GRID2: variants seen among roughly 807,000 people sequenced by gnomAD.
GRID2 encodes glutamate receptor ionotropic, delta-2.
A neutral mutation model predicts 114.8 loss-of-function variants in GRID2; 33 were observed. The ratio of observed to expected loss-of-function variants is 0.29; its 90% CI spans 0.22 to 0.38. The LOEUF (loss-of-function observed/expected upper bound fraction) is 0.38, where lower values mean the gene tolerates loss of function less well. Among genes scored for constraint, GRID2 ranks in the 10% least tolerant of loss-of-function variants. The pLI is 1.00. For missense variants in GRID2, 1,184 were observed against 1,257.7 expected (o/e 0.94, Z 0.89); for synonymous variants, 505 against 449.9 (o/e 1.12, Z -1.55).
intron 2 of GRID2, among the ~76,000 whole-genome samples, chr4:92,848,890 G>A (rs1188795470): frequency 1.3e-5 from 2 of 151,904 alleles, no homozygotes; most frequent in Admixed American, 6.6e-5. Context: ...AGGACACTGT[G>A]AGGGAGTGGA....
chr4:93,056,641 C>G (rs1727271475), intron 2 of GRID2, among the ~76,000 whole-genome samples: 1 of 151,848 alleles, frequency 6.6e-6, no homozygotes, highest in African/African-American at 2.4e-5. Context: ...TTATTTCTAA[C>G]TTATTGTTCA....
At chr4:93,655,145 C>A (rs545616002) in intron 14 of GRID2, among the ~76,000 whole-genome samples, 2 of 152,052 alleles carry the variant, frequency 1.3e-5, no homozygotes, top group Admixed American at 6.5e-5. Context: ...ATAGGGATGG[C>A]CCTTCCTTAG....
In GRID2 at chr4:93,747,019, T is replaced by A. The variant is rs553353381; in HGVS notation, c.2361-22191T>A. 1.1e-4 allele frequency among the ~76,000 whole-genome samples: 16 copies of A among 152,186 alleles called. No individual in the cohort carries two copies. In the East Asian group the frequency reaches 3.1e-3, roughly 29 times the overall value. Reference sequence around the variant, plus strand: ...GACAAGGGTGTATTCCAAAGCTACATCTAGCAAAATTTATGTTTTAGTGTT... The same window carrying A: ...GACAAGGGTGTATTCCAAAGCTACAACTAGCAAAATTTATGTTTTAGTGTT... On this transcript the variant is annotated intron_variant, in intron 14 of 15. Transcript: ENST00000282020.
chr4:92,422,152 C>A (rs11942545), intron 1 of GRID2, among the ~76,000 whole-genome samples: 3,569 of 152,084 alleles, frequency 0.023, 141 homozygotes, highest in African/African-American at 0.081. Flanking sequence ...TAATGTGAAT[C>A]TTTCAGCTAC....
chr4:93,684,143 G>A (rs191327270), intron 14 of GRID2, among the ~76,000 whole-genome samples: 3 of 152,064 alleles, frequency 2.0e-5, no homozygotes, highest in African/African-American at 7.2e-5. Context: ...AGTTATCTTT[G>A]GATAATAGCA....
chr4:93,109,820 T>G (rs755301747), intron 3 of GRID2, among the ~76,000 whole-genome samples: 13 of 152,160 alleles, frequency 8.5e-5, no homozygotes, highest in Non-Finnish European at 1.2e-4. Flanking sequence ...TCTTCTTCTA[T>G]AAACAAGCAA....
intron 1 of GRID2, among the ~76,000 whole-genome samples, chr4:92,324,581 A>G (rs1167087426): frequency 3.0e-5 from 4 of 135,272 alleles, no homozygotes; most frequent in Non-Finnish European, 6.4e-5. Context: ...TTTTATATAC[A>G]CATACATACA....
At chr4:93,254,281 T>A (rs6842791) in intron 8 of GRID2, among the ~76,000 whole-genome samples, 106,319 of 151,908 alleles carry the variant, frequency 0.7, 37,809 homozygotes, top group Middle Eastern at 0.86. Flanking sequence ...TGAAAAATAA[T>A]CAAAAGTGAG....
At chr4:93,652,784 TAAAAAAAAAAA>T (rs200098114) in intron 14 of GRID2, among the ~76,000 whole-genome samples, 23,349 of 86,500 alleles carry the variant, frequency 0.27, 2,573 homozygotes, top group Middle Eastern at 0.39. Context: ...CAGTAAATGC[TAAAAAAAAAAA>T]AAAAAAAAAA....
chr4:92,798,728 A>G (rs1457444870), intron 2 of GRID2, among the ~76,000 whole-genome samples: 3 of 152,148 alleles, frequency 2.0e-5, no homozygotes, highest in Middle Eastern at 3.4e-3. Context: ...GTTAATAAGT[A>G]CCTGAAATTA....
chr4:93,258,005 C>T (rs895803190), intron 8 of GRID2, among the ~76,000 whole-genome samples: 7 of 116,924 alleles, frequency 6.0e-5, no homozygotes, highest in African/African-American at 2.9e-4. Context: ...TATATACACA[C>T]ACACACACAC....
chr4:93,521,638 A>G (rs1730348569), intron 13 of GRID2, among the ~76,000 whole-genome samples: 1 of 152,120 alleles, frequency 6.6e-6, no homozygotes. Flanking sequence ...AGATTAGAGA[A>G]AAGAAAAGAA....
At chr4:92,592,473 C>T (rs1293448131) in intron 2 of GRID2, among the ~76,000 whole-genome samples, 4 of 151,104 alleles carry the variant, frequency 2.6e-5, no homozygotes, top group Middle Eastern at 3.4e-3. Flanking sequence ...AATACTACAC[C>T]TTTTTTTTTG....
At chr4:93,416,069 A>G (rs951900422) in intron 9 of GRID2, among the ~76,000 whole-genome samples, 5 of 151,982 alleles carry the variant, frequency 3.3e-5, no homozygotes, top group Non-Finnish European at 7.4e-5. Flanking sequence ...GCATATCCCG[A>G]TGATCTGCTT....
intron 2 of GRID2, among the ~76,000 whole-genome samples, chr4:92,713,422 A>C (rs900650922): frequency 6.8e-6 from 1 of 147,496 alleles, no homozygotes; most frequent in African/African-American, 2.5e-5. Context: ...CAAGAATAAA[A>C]TTTAAAAAAA....
chr4:93,756,598 G>A (rs1203304469), intron 14 of GRID2, among the ~76,000 whole-genome samples: 1 of 152,120 alleles, frequency 6.6e-6, no homozygotes, highest in Non-Finnish European at 1.5e-5. Flanking sequence ...TCTGATAAGA[G>A]CACTGGTCCC....
intron 10 of GRID2, among the ~76,000 whole-genome samples, chr4:93,447,496 G>A (rs1722199675): frequency 6.6e-6 from 1 of 151,812 alleles, no homozygotes; most frequent in Non-Finnish European, 1.5e-5. Context: ...CCACAATTAA[G>A]AAAAATTTTC....
intron 1 of GRID2, among the ~76,000 whole-genome samples, chr4:92,483,744 C>T (rs1008290121): frequency 1.3e-5 from 2 of 152,084 alleles, no homozygotes; most frequent in South Asian, 2.1e-4. Context: ...ATTTAGAAGT[C>T]TGAGGGAGCC....
chr4:93,284,359 G>A (rs1387093563), intron 8 of GRID2, among the ~76,000 whole-genome samples: 3 of 152,006 alleles, frequency 2.0e-5, no homozygotes, highest in Non-Finnish European at 4.4e-5. Flanking sequence ...ACATTGGAGG[G>A]TGCAGGATGG....
Sources: allele counts gnomAD v4.1 joint callset (sites outside exome capture counted in the v4.1 genomes callset), GRCh38; gene constraint gnomAD v4.1.1; transcripts MANE v1.5; gene names NCBI Gene and HGNC (gene_info 2026-07-23, HGNC 2026-07-21).